FGF19: variants seen among roughly 807,000 people sequenced by gnomAD.
The protein encoded by FGF19 is FGF-19.
Under a neutral mutation model 8.9 loss-of-function variants are expected in FGF19, and 5 were observed. That is an observed-to-expected ratio of 0.56 (90% CI 0.29 to 1.18). The LOEUF is 1.18. Ranked by LOEUF, FGF19 falls within the 50% of genes most tolerant of loss-of-function variation. The pLI, the probability that FGF19 is intolerant of heterozygous loss-of-function variation, is 0.08. For missense variants in FGF19, 237 were observed against 293.9 expected, an observed-to-expected ratio of 0.81 and a Z score of 1.42; for synonymous variants, 124 against 128.0, an observed-to-expected ratio of 0.97 and a Z score of 0.21.
In FGF19 at chr11:69,703,171, C is replaced by T. The variant is rs1450951430; in HGVS notation, c.336+90G>A. On this transcript the variant is annotated intron_variant, in intron 2 of 2. Transcript: ENST00000294312. The surrounding 1 kb of genome is among the most constrained non-coding windows in gnomAD (Gnocchi z 6.8). ...GGAGGAGGCGAGGAAACCCTGGATT[C>T]GAACCAGCGCCTTTCTCTCCTTCAG... is the stretch of plus-strand genomic sequence containing the variant. 3.5e-6 allele frequency: 3 copies of T among 865,684 alleles called. No individual in the cohort carries two copies. Among genetic ancestry groups the T allele is most frequent in the Non-Finnish European group, 3.5e-6 (2 of 565,358 alleles). The allele number at this position is 865,684 out of a possible 1,614,324, so 53.6% of individuals were successfully genotyped here.
At position 69,703,382 on chromosome 11, in the gene FGF19, G is replaced by A. The variant is rs775508698; in HGVS notation, c.233-18C>T. On this transcript the variant is annotated intron_variant, in intron 1 of 2. Coordinates refer to ENST00000294312, the MANE Select transcript of FGF19 (RefSeq NM_005117.3). This position sits in a 1 kb window ranked among gnomAD's most constrained non-coding sequence, Gnocchi z 6.8. ...CAGCAAACCTAGGCGCAGGGGAAGCGAGAAGCTGCAGCAAGGACCGCTGGG... is the reference window on the plus strand; with the variant it reads ...CAGCAAACCTAGGCGCAGGGGAAGCAAGAAGCTGCAGCAAGGACCGCTGGG... The A allele has an allele frequency of 2.5e-6, 4 of 1,584,478 alleles. No homozygotes were observed. Among genetic ancestry groups the A allele is most frequent in the Non-Finnish European group, 1.7e-6 (2 of 1,163,468 alleles).
chr11:69,699,694 C>A, intron 2 of FGF19, 118 bp from the exon 3 acceptor site: 1 of 669,940 alleles, frequency 1.5e-6, no homozygotes. Flanking sequence ...TCCACATAAG[C>A]ATCACTTGCA....
rs1400631974 is a variant in FGF19, at chr11:69,703,943, G to T, written c.-67C>A. 21 of 980,336 alleles carry T rather than the reference G, an allele frequency of 2.1e-5. No individual in the cohort carries two copies. The highest frequency in any genetic ancestry group is 2.7e-5 in the Non-Finnish European group (20 of 754,296). 60.7% of individuals were successfully genotyped at this position (980,336 alleles called of 1,614,324 possible). On this transcript the variant is annotated 5_prime_UTR_variant, in exon 1 of 3. Coordinates refer to ENST00000294312, the MANE Select transcript of FGF19 (RefSeq NM_005117.3). The surrounding 1 kb of genome is among the most constrained non-coding windows in gnomAD (Gnocchi z 6.8). Reference sequence around the variant, plus strand: ...GTGCGGGAGGCTGGGCGGCGACCGGGATGCGCTGCGGGGCTGTGAGTGCCG... The same window carrying T: ...GTGCGGGAGGCTGGGCGGCGACCGGTATGCGCTGCGGGGCTGTGAGTGCCG...
At chr11:69,699,696 T>C (rs1854748059) in intron 2 of FGF19, 120 bp from the exon 3 acceptor site, 2 of 669,940 alleles carry the variant, frequency 3.0e-6, no homozygotes, top group South Asian at 1.9e-5. Context: ...CACATAAGCA[T>C]CACTTGCATG....
Position 69,698,835 on chromosome 11 carries a change from G to A in FGF19, c.*427C>T, listed in dbSNP as rs1295787916. On this transcript the variant is annotated 3_prime_UTR_variant, in exon 3 of 3. Coordinates refer to ENST00000294312, the MANE Select transcript of FGF19 (RefSeq NM_005117.3). ...AATTTACCTGCTGTTTTACAGAGTG[G>A]ATCACCTGTTCCTGAAATTAAAACT... The A allele has an allele frequency of 4.2e-6, 1 of 240,412 alleles. No homozygotes were observed. The highest frequency in any genetic ancestry group is 8.3e-6 in the Non-Finnish European group (1 of 121,010). The allele number at this position is 240,412 out of a possible 1,614,324, so 14.9% of individuals were successfully genotyped here.
chr11:69,703,539 G>A lies in FGF19; in HGVS notation c.232+106C>T. The A allele has an allele frequency of 1.3e-6, 1 of 781,374 alleles. No individual in the cohort carries two copies. The highest frequency in any genetic ancestry group is 1.8e-6 in the Non-Finnish European group (1 of 550,914). The allele number at this position is 781,374 out of a possible 1,614,324, so 48.4% of individuals were successfully genotyped here. A position where few individuals can be genotyped will look rare whatever the true frequency, so the allele number is the denominator to read the frequency against. On this transcript the variant is annotated intron_variant, in intron 1 of 2. Transcript: ENST00000294312. The surrounding 1 kb of genome is among the most constrained non-coding windows in gnomAD (Gnocchi z 6.8). ...GGGGTTCCCAGGAGTTGAGGGGTCC[G>A]CAGGAGCCTAAGGGTGGCAAAGGAA...
In FGF19 at chr11:69,704,012, G is replaced by T; in HGVS notation, c.-136C>A. ...CCTAGATCCTGGACGCAGCGCTCCT[G>T]CTCTGACGGCGCGGCGGCTCCGGGC... On this transcript the variant is annotated 5_prime_UTR_variant, in exon 1 of 3. Coordinates refer to ENST00000294312, the MANE Select transcript of FGF19 (RefSeq NM_005117.3). 2 of 497,622 alleles carry T rather than the reference G, an allele frequency of 4.0e-6. No individual in the cohort carries two copies. The highest frequency in any genetic ancestry group is 6.3e-6 in the Non-Finnish European group (2 of 317,330). 30.8% of individuals were successfully genotyped at this position (497,622 alleles called of 1,614,324 possible).
rs2119919004 is a variant in FGF19 at position 69,703,921 on chromosome 11, C to T, written c.-45G>A. On this transcript the variant is annotated 5_prime_UTR_variant, in exon 1 of 3. Transcript: ENST00000294312. This position sits in a 1 kb window ranked among gnomAD's most constrained non-coding sequence, Gnocchi z 6.8. ...CGGCGCAGCTCCGGCGATGGGGGTG[C>T]GGGAGGCTGGGCGGCGACCGGGATG... 8.5e-7 allele frequency: 1 copy of T among 1,180,574 alleles called. No homozygotes were observed. Among genetic ancestry groups the T allele is most frequent in the Non-Finnish European group, 1.1e-6 (1 of 936,746 alleles). 73.1% of individuals were successfully genotyped at this position (1,180,574 alleles called of 1,614,324 possible).
intron 2 of FGF19, 105 bp from the exon 3 acceptor site, chr11:69,699,681 C>T (rs908212906): frequency 1.2e-5 from 9 of 767,548 alleles, no homozygotes; most frequent in African/African-American, 1.1e-4. Context: ...CCAGCAGTGA[C>T]CTTCCACATA....
At position 69,703,301 on chromosome 11, in the gene FGF19, C is replaced by T; in HGVS notation, c.296G>A (p.Arg99Gln). 6.2e-7 allele frequency: 1 copy of T among 1,610,268 alleles called. No individual in the cohort carries two copies. The highest frequency in any genetic ancestry group is 8.5e-7 in the Non-Finnish European group (1 of 1,178,770). ...GCCGTCGGCGCCCATGCAGAGGTAC[C>T]GCACGCTGTGCACGCCCTTGATGGC... Reference protein sequence around the residue: ...TVAIKGVHSVRYLCMGADGKM... With the variant: ...TVAIKGVHSVQYLCMGADGKM... Residue 99 changes from arginine to glutamine, a missense_variant, in exon 2 of 3, where the codon CGG becomes CAG. Transcript: ENST00000294312. The surrounding 1 kb of genome is among the most constrained non-coding windows in gnomAD (Gnocchi z 6.8).
chr11:69,698,991 G>A lies in FGF19; in HGVS notation c.*271C>T. 1 of 462,576 alleles carries A rather than the reference G, an allele frequency of 2.2e-6. No homozygotes were observed. The highest frequency in any genetic ancestry group is 3.8e-6 in the Non-Finnish European group (1 of 259,832). 28.7% of individuals were successfully genotyped at this position (462,576 alleles called of 1,614,324 possible). On this transcript the variant is annotated 3_prime_UTR_variant, in exon 3 of 3. Transcript: ENST00000294312. ...GGTATTCAAGCAGAACTGAGACAGT[G>A]CAGCAGCTTGTCCAGCAACCTCGAG...
chr11:69,699,446 T>C lies in FGF19; in HGVS notation c.467A>G (p.Asn156Ser). The stretch of plus-strand genomic sequence containing the variant: ...ATGAGAGAGTGGAAGAAAGCCTCTG[T>C]TCTTGTACAGCTGCCGCTGTTTGGC... ...SSAKQRQLYK[N>S]RGFLPLSHFL... The change falls in exon 3 of 3, where the codon AAC becomes AGC. Residue 156 changes from asparagine to serine, a missense_variant. Asn to Ser is a conservative substitution (Grantham distance 46). Transcript: ENST00000294312. 6.2e-7 allele frequency: 1 copy of C among 1,614,178 alleles called. No individual in the cohort carries two copies. Among genetic ancestry groups the C allele is most frequent in the Non-Finnish European group, 8.5e-7 (1 of 1,180,030 alleles).
Position 69,703,210 on chromosome 11 carries a change from G to C in FGF19, c.336+51C>G. 1 of 1,332,856 alleles carries C rather than the reference G, an allele frequency of 7.5e-7. No homozygotes were observed. The highest frequency in any genetic ancestry group is 1.0e-6 in the Non-Finnish European group (1 of 956,636). 82.6% of individuals were successfully genotyped at this position (1,332,856 alleles called of 1,614,324 possible). A position where few individuals can be genotyped will look rare whatever the true frequency, so the allele number is the denominator to read the frequency against. On this transcript the variant is annotated intron_variant, in intron 2 of 2. Coordinates refer to ENST00000294312, the MANE Select transcript of FGF19 (RefSeq NM_005117.3). The surrounding 1 kb of genome is among the most constrained non-coding windows in gnomAD (Gnocchi z 6.8). ...TCTCTCCTTCAGGCCTCCGCCCGGG[G>C]ACAGGCGCCGGTCCCCCGCCCCGGC...
Position 69,702,102 on chromosome 11 carries a change from A to G in FGF19, c.336+1159T>C, listed in dbSNP as rs1325605283. Among the ~76,000 whole-genome samples, 1 of 149,092 alleles carries G rather than the reference A, an allele frequency of 6.7e-6. No individual in the cohort carries two copies. The highest frequency in any genetic ancestry group is 1.5e-5 in the Non-Finnish European group (1 of 67,216). ...ATTAGGAACCCCCACACCCCCTGCC[A>G]TAGTAAATGTCAAAATTAAAGTTGC... On this transcript the variant is annotated intron_variant, in intron 2 of 2. Transcript: ENST00000294312. The surrounding 1 kb of genome is among the most constrained non-coding windows in gnomAD (Gnocchi z 4.6).
chr11:69,699,108 C>A lies in FGF19; in HGVS notation c.*154G>T. ...GTCTATTGGCTAGAAACTGGCACTG[C>A]CAATGGAAAACTCTGAATATGTACA... is the stretch of plus-strand genomic sequence containing the variant. On this transcript the variant is annotated 3_prime_UTR_variant, in exon 3 of 3. Coordinates refer to ENST00000294312, the MANE Select transcript of FGF19 (RefSeq NM_005117.3). 5 of 617,480 alleles carry A rather than the reference C, an allele frequency of 8.1e-6. No homozygotes were observed. The Admixed American group carries it at 1.5e-4, about 19-fold the overall frequency. The allele number at this position is 617,480 out of a possible 1,614,324, so 38.3% of individuals were successfully genotyped here.
intron 2 of FGF19, among the ~76,000 whole-genome samples, chr11:69,700,731 C>T (rs1177619290): frequency 6.6e-6 from 1 of 151,898 alleles, no homozygotes; most frequent in Non-Finnish European, 1.5e-5. Flanking sequence ...GCCTTCCAGG[C>T]AGGCTGCCAG....
Position 69,702,597 on chromosome 11 carries a change from C to A in FGF19, c.336+664G>T, listed in dbSNP as rs1854786915. ...GACCTCTGCGGTTACCTGGGCCTTC[C>A]CTGCCAGCCCCCACCCCCTGCCCCC... On this transcript the variant is annotated intron_variant, in intron 2 of 2. Coordinates refer to ENST00000294312, the MANE Select transcript of FGF19 (RefSeq NM_005117.3). The surrounding 1 kb of genome is among the most constrained non-coding windows in gnomAD (Gnocchi z 4.6). Among the ~76,000 whole-genome samples, 1 of 151,954 alleles carries A rather than the reference C, an allele frequency of 6.6e-6. No individual in the cohort carries two copies. The highest frequency in any genetic ancestry group is 1.5e-5 in the Non-Finnish European group (1 of 67,956).
chr11:69,701,760 T>C (rs1423891965), intron 2 of FGF19, among the ~76,000 whole-genome samples: 1 of 148,724 alleles, frequency 6.7e-6, no homozygotes, highest in Non-Finnish European at 1.5e-5. Flanking sequence ...AGGTCGGGAG[T>C]TCAAGACCAG....
chr11:69,700,015 G>T (rs1405613194), intron 2 of FGF19, among the ~76,000 whole-genome samples: 2 of 151,760 alleles, frequency 1.3e-5, no homozygotes, highest in Non-Finnish European at 2.9e-5. Flanking sequence ...GTTGAGGCTG[G>T]GTAGTCAAGG....
Sources: allele counts gnomAD v4.1 joint callset (sites outside exome capture counted in the v4.1 genomes callset), GRCh38; gene constraint gnomAD v4.1.1; non-coding constraint Gnocchi (gnomAD v3.1); transcripts MANE v1.5; gene names NCBI Gene and HGNC (gene_info 2026-07-23, HGNC 2026-07-21).